ATP2A3: variants seen among roughly 807,000 people sequenced by gnomAD.
ATP2A3 encodes the protein sarcoplasmic/endoplasmic reticulum calcium ATPase 3.
Under a neutral mutation model 106.8 loss-of-function variants are expected in ATP2A3, and 61 were observed. The ratio of observed to expected loss-of-function variants is 0.57; its 90% CI spans 0.46 to 0.71. ATP2A3 has a LOEUF of 0.71. Among genes scored for constraint, ATP2A3 ranks in the 30% least tolerant of loss-of-function variants. ATP2A3 has a pLI of 0.00. For synonymous variants in ATP2A3, 611 were observed against 609.3 expected (o/e 1.00, Z -0.04); for missense variants, 1,201 against 1,423.5 (o/e 0.84, Z 2.52).
intron 17 of ATP2A3, among the ~76,000 whole-genome samples, chr17:3,931,670 C>G (rs919103870): frequency 1.3e-5 from 2 of 152,000 alleles, no homozygotes; most frequent in Admixed American, 1.3e-4. Flanking sequence ...TACAGGCGCC[C>G]GCCACCACGC....
chr17:3,941,966 G>A lies in ATP2A3; in HGVS notation c.1546-312C>T, dbSNP rs149436271. Among the ~76,000 whole-genome samples, 896 of 152,290 alleles carry A rather than the reference G, an allele frequency of 5.9e-3. 8 individuals are homozygous for A. The highest frequency in any genetic ancestry group is 0.02 in the African/African-American group (844 of 41,556). On this transcript the variant is annotated intron_variant, in intron 12 of 20. Coordinates refer to ENST00000397041, the MANE Select transcript of ATP2A3 (RefSeq NM_005173.4). ...CGTTTTGCAGGCAGGGGTGAGAATG[G>A]CATCCCCTGCAGGCCCTGCTTCCCT...
chr17:3,941,745 A>G (rs752908283), intron 12 of ATP2A3, 91 bp from the exon 13 acceptor site: 35 of 1,396,510 alleles, frequency 2.5e-5, no homozygotes, highest in Non-Finnish European at 3.4e-5. Flanking sequence ...AGACTAAGAT[A>G]CGGGCAAAGG....
In ATP2A3 at chr17:3,928,987, C is replaced by T. The variant is rs1358176631; in HGVS notation, c.2863-207G>A. Among the ~76,000 whole-genome samples, 1 of 151,438 alleles carries T rather than the reference C, an allele frequency of 6.6e-6. No individual in the cohort carries two copies. Among genetic ancestry groups the T allele is most frequent in the Non-Finnish European group, 1.5e-5 (1 of 67,970 alleles). On this transcript the variant is annotated intron_variant, in intron 19 of 20. Transcript: ENST00000397041. This position sits in a 1 kb window ranked among gnomAD's most constrained non-coding sequence, Gnocchi z 6.1. ...CTGCACCCCCCAATCTTTGTCCGCT[C>T]AGCTTCCTCTGCCTCAAGGGCCCAC...
chr17:3,939,937 A>G (rs1163955026), intron 14 of ATP2A3, among the ~76,000 whole-genome samples: 2 of 151,404 alleles, frequency 1.3e-5, no homozygotes, highest in Non-Finnish European at 2.9e-5. Context: ...GTGAAAAAAA[A>G]AACCGAAAAC....
At chr17:3,943,646 G>T in intron 10 of ATP2A3, 124 bp from the exon 11 acceptor site, 2 of 1,493,660 alleles carry the variant, frequency 1.3e-6, no homozygotes, top group East Asian at 2.3e-5. Flanking sequence ...CCTTTGCACC[G>T]GCCCGTGAGC....
Position 3,940,976 on chromosome 17 carries a change from C to T in ATP2A3, c.2095G>A (p.Ala699Thr). Residue 699 changes from alanine to threonine, a missense_variant, in exon 14 of 21, where the codon GCT becomes ACT. Coordinates refer to ENST00000397041, the MANE Select transcript of ATP2A3 (RefSeq NM_005173.4). ...ENLQSFNEIT[A>T]MTGDGVNDAP... Reference sequence around the variant, plus strand: ...GCTCCAGGCTGTGGCCTCACCATAGCAGTGATCTCGTTAAAGGACTGCAGG... The same window carrying T: ...GCTCCAGGCTGTGGCCTCACCATAGTAGTGATCTCGTTAAAGGACTGCAGG... 2 of 1,613,952 alleles carry T rather than the reference C, an allele frequency of 1.2e-6. No homozygotes were observed. The highest frequency in any genetic ancestry group is 1.7e-6 in the Non-Finnish European group (2 of 1,179,846).
chr17:3,953,688 C>T lies in ATP2A3; in HGVS notation c.136+5G>A, dbSNP rs770899216. On this transcript the variant is annotated splice_donor_5th_base_variant and intron_variant, in intron 2 of 20. Coordinates refer to ENST00000397041, the MANE Select transcript of ATP2A3 (RefSeq NM_005173.4). This position sits in a 1 kb window ranked among gnomAD's most constrained non-coding sequence, Gnocchi z 5.1. ...CCTAGAGGTCCATCCCGGTGCCAGC[C>T]TCACCTTCCTCACTCGGGAGCTCTG... is the stretch of plus-strand genomic sequence containing the variant. 1.9e-6 allele frequency: 3 copies of T among 1,565,222 alleles called. No homozygotes were observed. The highest frequency in any genetic ancestry group is 2.6e-6 in the Non-Finnish European group (3 of 1,154,792).
At chr17:3,951,551 C>CCCCCG in intron 4 of ATP2A3, 30 bp downstream of exon 4, 1 of 1,341,322 alleles carries the variant, frequency 7.5e-7, no homozygotes, top group Non-Finnish European at 1.0e-6. Context: ...AGACCGCCCC[C>CCCCCG]CGCCCGGTCC....
rs575315392 is a variant in ATP2A3, at chr17:3,947,504, G to C, written c.982C>G (p.Arg328Gly). The change falls in exon 8 of 21, where the codon CGC (arginine) becomes GGC (glycine). Residue 328 changes from arginine to glycine, a missense_variant. This residue lies in a region of ATP2A3 where 935 missense variants were observed against 1,176.7 expected (regional missense o/e 0.79). Coordinates refer to ENST00000397041, the MANE Select transcript of ATP2A3 (RefSeq NM_005173.4). This position sits in a 1 kb window ranked among gnomAD's most constrained non-coding sequence, Gnocchi z 7.7. The stretch of plus-strand genomic sequence containing the variant: ...AGGCTTCGCACGATGGCGTTCTTGC[G>C]TGCCATGCGCCGCGTGCCCAGTGCC... ...CLALGTRRMA[R>G]KNAIVRSLPS... is the part of the protein sequence containing the mutation. 6.2e-7 allele frequency: 1 copy of C among 1,613,504 alleles called. No homozygotes were observed. Among genetic ancestry groups the C allele is most frequent in the South Asian group, 1.1e-5 (1 of 91,086 alleles).
intron 3 of ATP2A3, among the ~76,000 whole-genome samples, chr17:3,951,974 G>A (rs945567486): frequency 2.0e-5 from 3 of 152,310 alleles, no homozygotes; most frequent in African/African-American, 7.2e-5. Context: ...GTGGTCCCCA[G>A]ACCAGCAGCA....
At chr17:3,950,123 C>T (rs1030890593) in intron 7 of ATP2A3, among the ~76,000 whole-genome samples, 8 of 151,314 alleles carry the variant, frequency 5.3e-5, no homozygotes, top group Non-Finnish European at 1.2e-4. Context: ...GATCGTACCA[C>T]TGCACTCCAG....
Position 3,924,661 on chromosome 17 carries a change from G to A in ATP2A3, c.*761C>T. On this transcript the variant is annotated 3_prime_UTR_variant, in exon 21 of 21. Coordinates refer to ENST00000397041, the MANE Select transcript of ATP2A3 (RefSeq NM_005173.4). The surrounding 1 kb of genome is among the most constrained non-coding windows in gnomAD (Gnocchi z 6.4). ...GAACATCTCCCGAGCTCAGGACGGG[G>A]AACCCTGAGTCCAGGAGGCGCGCGG... 1 of 432,464 alleles carries A rather than the reference G, an allele frequency of 2.3e-6. No homozygotes were observed. Among genetic ancestry groups the A allele is most frequent in the Non-Finnish European group, 4.7e-6 (1 of 214,964 alleles). 26.8% of individuals were successfully genotyped at this position (432,464 alleles called of 1,614,324 possible).
At position 3,930,721 on chromosome 17, in the gene ATP2A3, G is replaced by GGCTA. The variant is rs1468776198; in HGVS notation, c.2611-291_2611-288dup. ...AGAACAGCTGGCATTAGCCTGGGGA[G>GGCTA]GCTAGCGGGAGCCTGGAGATCACTG... On this transcript the variant is annotated intron_variant, in intron 17 of 20. Transcript: ENST00000397041. This position sits in a 1 kb window ranked among gnomAD's most constrained non-coding sequence, Gnocchi z 5.4. The GGCTA allele has an allele frequency of 3.8e-6, 2 of 529,758 alleles. No homozygotes were observed. The highest frequency in any genetic ancestry group is 6.3e-5 in the Admixed American group (2 of 31,848). The allele number at this position is 529,758 out of a possible 1,614,324, so 32.8% of individuals were successfully genotyped here. A position where few individuals can be genotyped will look rare whatever the true frequency, so the allele number is the denominator to read the frequency against.
chr17:3,924,658 G>GGGGAAACCTGAGTCCAGGA lies in ATP2A3; in HGVS notation c.*763_*764insTCCTGGACTCAGGTTTCCC. ...TCTGAACATCTCCCGAGCTCAGGAC[G>GGGGAAACCTGAGTCCAGGA]GGGAACCCTGAGTCCAGGAGGCGCG... On this transcript the variant is annotated 3_prime_UTR_variant, in exon 21 of 21. Coordinates refer to ENST00000397041, the MANE Select transcript of ATP2A3 (RefSeq NM_005173.4). The surrounding 1 kb of genome is among the most constrained non-coding windows in gnomAD (Gnocchi z 6.4). 1 of 424,882 alleles carries GGGGAAACCTGAGTCCAGGA rather than the reference G, an allele frequency of 2.4e-6. No individual in the cohort carries two copies. Among genetic ancestry groups the GGGGAAACCTGAGTCCAGGA allele is most frequent in the South Asian group, 1.7e-5 (1 of 59,246 alleles). 26.3% of individuals were successfully genotyped at this position (424,882 alleles called of 1,614,324 possible).
Position 3,928,532 on chromosome 17 carries a change from G to A in ATP2A3, c.2980+131C>T. The A allele has an allele frequency of 1.0e-6, 1 of 998,166 alleles. No homozygotes were observed. The highest frequency in any genetic ancestry group is 1.5e-6 in the Non-Finnish European group (1 of 653,948). The allele number at this position is 998,166 out of a possible 1,614,324, so 61.8% of individuals were successfully genotyped here. On this transcript the variant is annotated intron_variant, in intron 20 of 20. Coordinates refer to ENST00000397041, the MANE Select transcript of ATP2A3 (RefSeq NM_005173.4). The surrounding 1 kb of genome is among the most constrained non-coding windows in gnomAD (Gnocchi z 6.1). ...AGAGCCCCTTCACACCCTCCACTTG[G>A]TGATCCGAGAACGCCTCCCCGATGT...
chr17:3,947,618 G>T lies in ATP2A3; in HGVS notation c.868C>A (p.Arg290Ser). 1 of 1,612,386 alleles carries T rather than the reference G, an allele frequency of 6.2e-7. No individual in the cohort carries two copies. Among genetic ancestry groups the T allele is most frequent in the East Asian group, 2.2e-5 (1 of 44,874 alleles). The change falls in exon 8 of 21, where the codon CGT (arginine) becomes AGT (serine). Residue 290 changes from arginine (R) to serine (S), a missense_variant. Physicochemically the swap from Arg to Ser is moderately radical, Grantham distance 110 (BLOSUM62 -1). Around this residue, in one of 2 missense-constraint regions of ATP2A3, gnomAD observed 935 missense variants for 1,176.7 expected, o/e 0.79. Transcript: ENST00000397041. This position sits in a 1 kb window ranked among gnomAD's most constrained non-coding sequence, Gnocchi z 7.7. ...ADPAHGGSWL[R>S]GAVYYFKIAV... ...ATCTTGAAGTAGTAGACAGCGCCAC[G>T]CAGCCAGGAGCCACCGTGGGCCGGG...
intron 7 of ATP2A3, among the ~76,000 whole-genome samples, chr17:3,948,963 T>C (rs1208160236): frequency 3.9e-5 from 6 of 152,102 alleles, no homozygotes; most frequent in African/African-American, 1.4e-4. Context: ...ACCCCGTCTC[T>C]AGTAAAATAC....
intron 8 of ATP2A3, 150 bp from the exon 9 acceptor site, chr17:3,945,298 A>C (rs1244789211): frequency 9.4e-6 from 6 of 636,290 alleles, no homozygotes; most frequent in Non-Finnish European, 5.3e-6. Context: ...AGGGAAATAG[A>C]ACGCAGGGTC....
intron 8 of ATP2A3, among the ~76,000 whole-genome samples, chr17:3,946,458 G>C (rs1048296958): frequency 6.6e-6 from 1 of 152,008 alleles, no homozygotes; most frequent in Admixed American, 6.6e-5. Flanking sequence ...GGGAGGCTGA[G>C]GCAGGAGAAT....
Sources: gnomAD v4.1 joint callset for allele counts (sites outside exome capture counted in the v4.1 genomes callset) on GRCh38, gnomAD v4.1.1 for gene constraint, gnomAD v4.1.1 regional missense constraint, Gnocchi (gnomAD v3.1) non-coding constraint, MANE v1.5 for transcripts, NCBI Gene and HGNC (gene_info 2026-07-23, HGNC 2026-07-21) for gene names.